Variants in OSBPL10 observed in about 807,000 individuals in gnomAD.
The protein encoded by OSBPL10 is oxysterol-binding protein-related protein 10.
OSBPL10 carries 49 observed loss-of-function variants against 81.7 expected under a neutral mutation model. The observed-to-expected ratio is 0.60, with a 90% CI of 0.48 to 0.76. OSBPL10 has a LOEUF of 0.76. Ranked by LOEUF, OSBPL10 falls within the 30% of genes least tolerant of loss-of-function variation. The probability of loss-of-function intolerance (pLI) is 0.00; values close to 1 mark genes in which losing one functional copy is unlikely to be tolerated. For synonymous variants in OSBPL10, 419 were observed against 383.6 expected (o/e 1.09, Z -1.08); for missense variants, 923 against 987.8 (o/e 0.93, Z 0.88).
intron 7 of OSBPL10, among the ~76,000 whole-genome samples, chr3:31,692,106 T>C (rs906160946): frequency 1.3e-5 from 2 of 152,136 alleles, no homozygotes; most frequent in Admixed American, 6.5e-5. Flanking sequence ...ATATTTACTA[T>C]ATAGAAAGAT....
At position 31,887,187 on chromosome 3, in the gene OSBPL10, C is replaced by T. The variant is rs532879570; in HGVS notation, c.282-7357G>A. ...TGAGGTTTCAGTAGCCTTCCAGGTC[C>T]CTCCTGTGCACAAACATCTAAAGCT... On this transcript the variant is annotated intron_variant, in intron 1 of 11. Transcript: ENST00000396556. Among the ~76,000 whole-genome samples the T allele has an allele frequency of 3.3e-5, 5 of 152,200 alleles. No individual in the cohort carries two copies. In the South Asian group the frequency reaches 1.0e-3, roughly 32 times the overall value.
chr3:31,997,163 G>A (rs1329835837), intron 2 of OSBPL10, among the ~76,000 whole-genome samples: 22 of 152,080 alleles, frequency 1.4e-4, no homozygotes, highest in Admixed American at 9.8e-4. Context: ...AAGCATGCCC[G>A]ATTTATGTGC....
At chr3:31,916,570 C>A (rs541568641) in intron 1 of OSBPL10, among the ~76,000 whole-genome samples, 1 of 152,188 alleles carries the variant, frequency 6.6e-6, no homozygotes, top group Non-Finnish European at 1.5e-5. Context: ...CACCCACCCC[C>A]ACAAATGATC....
chr3:31,898,183 G>A (rs1335722859), intron 1 of OSBPL10, among the ~76,000 whole-genome samples: 1 of 152,048 alleles, frequency 6.6e-6, no homozygotes, highest in Non-Finnish European at 1.5e-5. Flanking sequence ...TAGTTAGACA[G>A]GAGGAATAAG....
At chr3:31,829,980 C>T (rs1054997830) in intron 4 of OSBPL10, 60 bp downstream of exon 4, 74 of 1,482,824 alleles carry the variant, frequency 5.0e-5, no homozygotes, top group Admixed American at 1.3e-4. Flanking sequence ...GTCGGCAGAG[C>T]GACTGTCACA....
intron 6 of OSBPL10, among the ~76,000 whole-genome samples, chr3:31,723,841 G>A (rs990032119): frequency 3.9e-5 from 6 of 152,122 alleles, no homozygotes; most frequent in Non-Finnish European, 8.8e-5. Context: ...TTTAGAAGGC[G>A]AGCATCATCA....
At chr3:32,073,416 A>G (rs1019057138) in intron 1 of OSBPL10, among the ~76,000 whole-genome samples, 2 of 152,158 alleles carry the variant, frequency 1.3e-5, no homozygotes, top group African/African-American at 4.8e-5. Context: ...TCCAACTGCC[A>G]TCCACCTGCA....
chr3:31,849,026 A>G (rs1473768949), intron 3 of OSBPL10, among the ~76,000 whole-genome samples: 1 of 152,202 alleles, frequency 6.6e-6, no homozygotes, highest in Non-Finnish European at 1.5e-5. Flanking sequence ...TCTGACCAAG[A>G]GACTGTGATC....
chr3:31,873,487 C>G (rs1379813745), intron 3 of OSBPL10, among the ~76,000 whole-genome samples: 1 of 152,126 alleles, frequency 6.6e-6, no homozygotes, highest in South Asian at 2.1e-4. Flanking sequence ...CTCTACAGTT[C>G]TATGCATCTG....
chr3:31,710,328 C>T (rs112911878), intron 6 of OSBPL10, among the ~76,000 whole-genome samples: 21 of 152,298 alleles, frequency 1.4e-4, no homozygotes, highest in African/African-American at 4.8e-4. Context: ...AGGCCTGTGA[C>T]GTTCGTACTG....
chr3:31,786,557 G>A (rs1326184482), intron 4 of OSBPL10, among the ~76,000 whole-genome samples: 1 of 152,104 alleles, frequency 6.6e-6, no homozygotes, highest in Non-Finnish European at 1.5e-5. Context: ...ACAGACAGAA[G>A]GGGAAGAGTT....
chr3:32,001,592 T>C (rs1050900619), intron 2 of OSBPL10, among the ~76,000 whole-genome samples: 2 of 152,184 alleles, frequency 1.3e-5, no homozygotes, highest in Admixed American at 6.5e-5. Context: ...ATTACAGAGA[T>C]TTATATTCTG....
At chr3:31,812,263 C>G (rs1575560704) in intron 4 of OSBPL10, among the ~76,000 whole-genome samples, 1 of 152,198 alleles carries the variant, frequency 6.6e-6, no homozygotes, top group East Asian at 1.9e-4. Context: ...AACTCCTGAC[C>G]TCAGGTGATC....
At chr3:31,944,716 C>T (rs1313427272) in intron 1 of OSBPL10, among the ~76,000 whole-genome samples, 1 of 151,842 alleles carries the variant, frequency 6.6e-6, no homozygotes, top group Non-Finnish European at 1.5e-5. Flanking sequence ...CCAGCACATC[C>T]ATCAGCCAAT....
rs552387306 is a variant in OSBPL10, at chr3:31,913,470, G to T, written c.282-33640C>A. ...CCACCGTGTTAGCCAGGATGGTCTC[G>T]ATCTCCTGAACTCGTGATCCACCTG... is the stretch of plus-strand genomic sequence containing the variant. On this transcript the variant is annotated intron_variant, in intron 1 of 11. Coordinates refer to ENST00000396556, the MANE Select transcript of OSBPL10 (RefSeq NM_017784.5). Among the ~76,000 whole-genome samples, 111 of 152,116 alleles carry T rather than the reference G, an allele frequency of 7.3e-4. 2 individuals carry two copies. The South Asian group carries it at 0.022, about 30-fold the overall frequency.
At chr3:32,017,967 G>A (rs1395331739) in intron 2 of OSBPL10, among the ~76,000 whole-genome samples, 1 of 151,868 alleles carries the variant, frequency 6.6e-6, no homozygotes, top group Non-Finnish European at 1.5e-5. Context: ...TGGCCAACAT[G>A]GTGAAACCCC....
At position 31,885,182 on chromosome 3, in the gene OSBPL10, A is replaced by G. The variant is rs531575727; in HGVS notation, c.282-5352T>C. Among the ~76,000 whole-genome samples, 4 of 152,332 alleles carry G rather than the reference A, an allele frequency of 2.6e-5. No homozygotes were observed. The South Asian group carries it at 8.3e-4, about 32-fold the overall frequency. ...CATATATACCCTCATATACACTTAT[A>G]TATGTGACACACTCACACTGATGCC... is the stretch of plus-strand genomic sequence containing the variant. On this transcript the variant is annotated intron_variant, in intron 1 of 11. Coordinates refer to ENST00000396556, the MANE Select transcript of OSBPL10 (RefSeq NM_017784.5).
At chr3:31,984,433 G>T (rs1698905253), upstream of OSBPL10, among the ~76,000 whole-genome samples, 1 of 151,886 alleles carries the variant, frequency 6.6e-6, no homozygotes, top group African/African-American at 2.4e-5. Context: ...AAATTATAGA[G>T]AGTCGAAGTT....
intron 6 of OSBPL10, among the ~76,000 whole-genome samples, chr3:31,722,971 A>G (rs1696694155): frequency 6.6e-6 from 1 of 152,296 alleles, no homozygotes; most frequent in Admixed American, 6.5e-5. Flanking sequence ...GGAGATTTGG[A>G]GCAATCTAAA....
Sources: allele counts gnomAD v4.1 joint callset (sites outside exome capture counted in the v4.1 genomes callset), GRCh38; gene constraint gnomAD v4.1.1; transcripts MANE v1.5; gene names NCBI Gene and HGNC (gene_info 2026-07-23, HGNC 2026-07-21).